The following TOP1MT variants were observed in gnomAD, a reference collection of about 807,000 sequenced individuals.
TOP1MT encodes DNA topoisomerase I mitochondrial, also known as DNA topoisomerase I, mitochondrial.
TOP1MT carries 80 observed loss-of-function variants against 73.9 expected under a neutral mutation model. The observed-to-expected ratio is 1.08, with a 90% confidence interval of 0.90 to 1.30. The LOEUF (loss-of-function observed/expected upper bound fraction) is 1.30. Among genes scored for constraint, TOP1MT ranks in the 50% most tolerant of loss-of-function variants. TOP1MT has a pLI of 0.00. For missense variants in TOP1MT, 815 were observed against 808.0 expected, an observed-to-expected ratio of 1.01 and a Z score of -0.10; for synonymous variants, 338 against 326.4, an observed-to-expected ratio of 1.04 and a Z score of -0.38.
At position 143,323,876 on chromosome 8, in the gene TOP1MT, C is replaced by A. The variant is rs968152964; in HGVS notation, c.960+123G>T. 115 of 1,079,366 alleles carry A rather than the reference C, an allele frequency of 1.1e-4. No homozygotes were observed. In the African/African-American group the frequency reaches 1.4e-3, roughly 13 times the overall value. The allele number at this position is 1,079,366 out of a possible 1,614,324, so 66.9% of individuals were successfully genotyped here. A position where few individuals can be genotyped will look rare whatever the true frequency, so the allele number is the denominator to read the frequency against. On this transcript the variant is annotated intron_variant, in intron 7 of 13. Transcript: ENST00000329245. The stretch of plus-strand genomic sequence containing the variant: ...ACACGTGTGCACATGCACACACCCC[C>A]CCCATCAGAATGAGGTTCCACCCCA...
rs773415213 is a variant in TOP1MT at position 143,321,327 on chromosome 8, G to A, written c.1020C>T (p.Cys340=). ...EDGEAADTVG[C]CSLRVEHVQL... is the part of the protein sequence containing the mutation. The stretch of plus-strand genomic sequence containing the variant: ...GGACGTGCTCCACGCGGAGGGAACA[G>A]CAGCCCACGGTGTCGGCCGCCTCAC... The change falls in exon 8 of 14, where the codon TGC becomes TGT. Residue 340 remains cysteine, a synonymous_variant. Coordinates refer to ENST00000329245, the MANE Select transcript of TOP1MT (RefSeq NM_052963.3). 6.8e-6 allele frequency: 11 copies of A among 1,606,136 alleles called. No individual in the cohort carries two copies. Among genetic ancestry groups the A allele is most frequent in the Middle Eastern group, 1.7e-4 (1 of 6,050 alleles).
intron 12 of TOP1MT, 135 bp downstream of exon 12, chr8:143,315,592 G>T: frequency 1.5e-6 from 1 of 659,406 alleles, no homozygotes; most frequent in Non-Finnish European, 2.6e-6. Context: ...TCTTTGTCTT[G>T]TGTCTTTATT....
upstream of TOP1MT, among the ~76,000 whole-genome samples, chr8:143,346,736 G>A (rs1817226823): frequency 6.6e-6 from 1 of 152,128 alleles, no homozygotes; most frequent in African/African-American, 2.4e-5. Flanking sequence ...CCAGAGGCTG[G>A]GAAGGCCAAA....
intron 1 of TOP1MT, among the ~76,000 whole-genome samples, chr8:143,332,017 C>A (rs1816869350): frequency 6.6e-6 from 1 of 151,844 alleles, no homozygotes; most frequent in Non-Finnish European, 1.5e-5. Flanking sequence ...AGGTCCCCCT[C>A]CCCAGGGCGC....
chr8:143,335,826 C>T (rs1381732454), upstream of TOP1MT, among the ~76,000 whole-genome samples: 1 of 152,256 alleles, frequency 6.6e-6, no homozygotes, highest in Non-Finnish European at 1.5e-5. Flanking sequence ...CCTCCCCTGC[C>T]ACCAACTGAC....
chr8:143,320,667 T>C (rs530052000), intron 8 of TOP1MT, among the ~76,000 whole-genome samples: 6 of 152,106 alleles, frequency 3.9e-5, no homozygotes, highest in African/African-American at 1.4e-4. Context: ...AGCGTCCTTG[T>C]GAGAACACGC....
At chr8:143,323,447 ACACGCACGC>A (rs1816593333) in intron 7 of TOP1MT, among the ~76,000 whole-genome samples, 1 of 112,680 alleles carries the variant, frequency 8.9e-6, no homozygotes, top group Non-Finnish European at 1.8e-5. Flanking sequence ...CACGCACGCC[ACACGCACGC>A]CACACACATG....
intron 10 of TOP1MT, among the ~76,000 whole-genome samples, chr8:143,317,405 G>A (rs946960862): frequency 2.6e-5 from 4 of 152,228 alleles, no homozygotes; most frequent in African/African-American, 7.2e-5. Flanking sequence ...GAGGCCTCCT[G>A]GGCCTTCAAG....
chr8:143,313,636 C>G (rs1345291100), intron 12 of TOP1MT, among the ~76,000 whole-genome samples: 1 of 151,184 alleles, frequency 6.6e-6, no homozygotes, highest in Non-Finnish European at 1.5e-5. Context: ...GGCAGATTGC[C>G]TGAGCTCAGG....
chr8:143,333,636 G>T (rs1245488121), intron 1 of TOP1MT, among the ~76,000 whole-genome samples: 2 of 152,186 alleles, frequency 1.3e-5, no homozygotes, highest in Admixed American at 1.3e-4. Flanking sequence ...CCCAACTGAG[G>T]GCTGCACATT....
At chr8:143,310,470 G>C (rs1050174029) in intron 12 of TOP1MT, 3 of 373,468 alleles carry the variant, frequency 8.0e-6, no homozygotes, top group Admixed American at 4.4e-5. Context: ...ACTCGCAGGA[G>C]GGTGAGATGC....
At chr8:143,318,710 C>G (rs920929132) in intron 8 of TOP1MT, among the ~76,000 whole-genome samples, 2 of 152,240 alleles carry the variant, frequency 1.3e-5, no homozygotes, top group South Asian at 4.1e-4. Flanking sequence ...AGCATGGCAG[C>G]CCTCCCTCAC....
upstream of TOP1MT, among the ~76,000 whole-genome samples, chr8:143,346,997 ATTTT>A (rs1401100664): frequency 1.4e-5 from 2 of 146,848 alleles, no homozygotes; most frequent in African/African-American, 5.0e-5. Context: ...TTATTTATTT[ATTTT>A]GAGAGATGGA....
intron 12 of TOP1MT, among the ~76,000 whole-genome samples, chr8:143,313,193 C>G (rs1177277821): frequency 3.3e-5 from 5 of 152,206 alleles, no homozygotes; most frequent in African/African-American, 1.2e-4. Context: ...TTGGGTTAGG[C>G]AAAGCCTTCT....
chr8:143,328,901 T>C (rs1816776070), intron 3 of TOP1MT, among the ~76,000 whole-genome samples: 1 of 152,108 alleles, frequency 6.6e-6, no homozygotes, highest in African/African-American at 2.4e-5. Context: ...GCAGTCACCT[T>C]GAAAATGAGC....
At chr8:143,317,897 C>A (rs764998349) in intron 9 of TOP1MT, 60 bp from the exon 10 acceptor site, 1 of 1,597,030 alleles carries the variant, frequency 6.3e-7, no homozygotes, top group East Asian at 2.2e-5. Flanking sequence ...CAGCCTCCCG[C>A]GGGAAGGAAA....
chr8:143,326,493 C>T (rs1816713129), intron 3 of TOP1MT, 149 bp from the exon 4 acceptor site: 5 of 1,026,152 alleles, frequency 4.9e-6, no homozygotes, highest in African/African-American at 3.2e-5. Flanking sequence ...GGTCCTGCGG[C>T]CCCGTAAATA....
chr8:143,331,197 G>A (rs753761632), intron 2 of TOP1MT, 27 bp downstream of exon 2: 10 of 1,558,970 alleles, frequency 6.4e-6, no homozygotes, highest in Non-Finnish European at 8.8e-6. Flanking sequence ...GCGCAGGCTG[G>A]GGAGGAGCCG....
chr8:143,352,762 C>G (rs1817342442), intron 1 of TOP1MT, among the ~76,000 whole-genome samples: 1 of 152,132 alleles, frequency 6.6e-6, no homozygotes, highest in African/African-American at 2.4e-5. Context: ...ATAGCTGGGA[C>G]TACATGTGCT....
Sources: allele counts gnomAD v4.1 joint callset (sites outside exome capture counted in the v4.1 genomes callset), GRCh38; gene constraint gnomAD v4.1.1; transcripts MANE v1.5; gene names NCBI Gene and HGNC (gene_info 2026-07-23, HGNC 2026-07-21).